Variants in POLG2 observed in about 807,000 individuals in gnomAD.
POLG2 encodes DNA polymerase gamma 2, accessory subunit.
In POLG2, 50 loss-of-function variants were observed where a neutral mutation model predicts 56.5. That is an observed-to-expected ratio of 0.88 (90% CI 0.71 to 1.12). The LOEUF is 1.12. Among genes scored for constraint, POLG2 ranks in the 50% most tolerant of loss-of-function variants. The pLI is 0.00. For synonymous variants in POLG2, 226 were observed against 222.6 expected (o/e 1.02, Z -0.14); for missense variants, 584 against 583.3 (o/e 1.00, Z -0.01).
At chr17:64,492,327 T>C (rs1234846452) in intron 3 of POLG2, among the ~76,000 whole-genome samples, 4 of 152,192 alleles carry the variant, frequency 2.6e-5, no homozygotes, top group Non-Finnish European at 5.9e-5. Flanking sequence ...CCATTTTGAC[T>C]AATATGGAAA....
intron 1 of POLG2, among the ~76,000 whole-genome samples, chr17:64,494,019 T>C (rs1290975797): frequency 6.6e-6 from 1 of 152,246 alleles, no homozygotes; most frequent in Non-Finnish European, 1.5e-5. Context: ...CATATGGTGA[T>C]ATTTTAGTTG....
intron 3 of POLG2, among the ~76,000 whole-genome samples, chr17:64,492,363 T>C (rs2038075961): frequency 6.6e-6 from 1 of 152,194 alleles, no homozygotes; most frequent in South Asian, 2.1e-4. Flanking sequence ...TAGCAAAAGC[T>C]GAAGCTGTGA....
chr17:64,483,548 C>T (rs1477562963), intron 5 of POLG2, among the ~76,000 whole-genome samples: 1 of 151,500 alleles, frequency 6.6e-6, no homozygotes, highest in Non-Finnish European at 1.5e-5. Flanking sequence ...TTGAGACCCT[C>T]CCATTTTCTG....
chr17:64,479,631 T>C (rs1390609228), intron 7 of POLG2, among the ~76,000 whole-genome samples: 5 of 151,828 alleles, frequency 3.3e-5, no homozygotes, highest in Non-Finnish European at 7.4e-5. Context: ...ATTAATGAAA[T>C]AGCATGGGGT....
In POLG2 at chr17:64,477,842, GAT is replaced by G. The variant is rs2037790990; in HGVS notation, c.1437_1438del (p.Ser480IlefsTer3). On this transcript the variant is annotated frameshift_variant, in exon 8 of 8. Transcript: ENST00000539111. LOFTEE classifies it high-confidence loss of function. ...AAAAATCTATACATTCTTAGCTGAT[GAT>G]ATATACTTAATCAAAAAGTCTTTTA... 1 of 1,602,796 alleles carries G rather than the reference GAT, an allele frequency of 6.2e-7. No homozygotes were observed. Among genetic ancestry groups the G allele is most frequent in the African/African-American group, 1.3e-5 (1 of 74,352 alleles).
chr17:64,495,043 A>G (rs7214806), intron 1 of POLG2, among the ~76,000 whole-genome samples: 42,203 of 151,824 alleles, frequency 0.28, 11,346 homozygotes, highest in African/African-American at 0.7. Flanking sequence ...CGTGGTGGCA[A>G]GTGCCTGTAG....
At chr17:64,491,477 TC>T in intron 3 of POLG2, 1 of 1,238,452 alleles carries the variant, frequency 8.1e-7, no homozygotes, top group South Asian at 1.2e-5. Context: ...GCAACGGCAG[TC>T]CAGCCCGGGC....
chr17:64,491,969 A>T (rs984453421), intron 3 of POLG2, among the ~76,000 whole-genome samples: 2 of 152,062 alleles, frequency 1.3e-5, no homozygotes, highest in African/African-American at 2.4e-5. Context: ...GACAACAAAA[A>T]TAAAATAAAA....
chr17:64,486,156 T>C (rs545701231), intron 4 of POLG2, among the ~76,000 whole-genome samples: 2 of 152,192 alleles, frequency 1.3e-5, no homozygotes, highest in Non-Finnish European at 2.9e-5. Context: ...ACGATAAAGA[T>C]GCATTCTCTG....
rs1325248458 is a variant in POLG2 at position 64,493,610 on chromosome 17, G to A, written c.563-589C>T. Among the ~76,000 whole-genome samples, 6 of 151,648 alleles carry A rather than the reference G, an allele frequency of 4.0e-5. No homozygotes were observed. In the South Asian group the frequency reaches 6.2e-4, roughly 16 times the overall value. On this transcript the variant is annotated intron_variant, in intron 1 of 7. Coordinates refer to ENST00000539111, the MANE Select transcript of POLG2 (RefSeq NM_007215.4). ...TGCCATTCTCCTGCCTCAGCCTCCCGAGTAGCTGGGACTACAGGCGCCCGC... is the reference window on the plus strand; with the variant it reads ...TGCCATTCTCCTGCCTCAGCCTCCCAAGTAGCTGGGACTACAGGCGCCCGC...
chr17:64,484,683 A>G (rs2037922197), intron 5 of POLG2, among the ~76,000 whole-genome samples: 1 of 152,118 alleles, frequency 6.6e-6, no homozygotes, highest in African/African-American at 2.4e-5. Context: ...GTGGAGTGTA[A>G]GAAAAAGAAA....
rs1462259525 is a variant in POLG2, at chr17:64,496,621, G to C, written c.348C>G (p.Thr116=). 1 of 1,613,792 alleles carries C rather than the reference G, an allele frequency of 6.2e-7. No individual in the cohort carries two copies. The highest frequency in any genetic ancestry group is 1.3e-5 in the African/African-American group (1 of 74,834). ...CCTGCTCCCTGAACACCACCACCGAGGTCCACCATTCTGCGGCCAGGTTCT... is the reference window on the plus strand; with the variant it reads ...CCTGCTCCCTGAACACCACCACCGACGTCCACCATTCTGCGGCCAGGTTCT... ...LRKNLAAEWW[T]SVVVFREQVF... Residue 116 remains threonine, a synonymous_variant, in exon 1 of 8, where the codon ACC becomes ACG. Transcript: ENST00000539111.
Position 64,496,889 on chromosome 17 carries a change from G to A in POLG2, c.80C>T (p.Ala27Val), listed in dbSNP as rs117792639. 3.1e-6 allele frequency: 5 copies of A among 1,613,132 alleles called. No individual in the cohort carries two copies. The highest frequency in any genetic ancestry group is 4.5e-5 in the East Asian group (2 of 44,878). Reference sequence around the variant, plus strand: ...TTCCGTCAACAGCTCCGGCTGCCCCGCATCTACTCGACCCCCAAACCCAGA... The same window carrying A: ...TTCCGTCAACAGCTCCGGCTGCCCCACATCTACTCGACCCCCAAACCCAGA... Reference protein sequence around the residue: ...LLSGFGGRVDAGQPELLTERS... With the variant: ...LLSGFGGRVDVGQPELLTERS... The change falls in exon 1 of 8, where the codon GCG becomes GTG. Residue 27 changes from alanine to valine, a missense_variant. Physicochemically the swap from Ala to Val is moderately conservative, Grantham distance 64. Coordinates refer to ENST00000539111, the MANE Select transcript of POLG2 (RefSeq NM_007215.4).
chr17:64,490,571 T>C, intron 4 of POLG2: 1 of 539,574 alleles, frequency 1.9e-6, no homozygotes, highest in Non-Finnish European at 3.3e-6. Flanking sequence ...AATGCCATTA[T>C]TGAGATAATC....
chr17:64,482,096 CTTTTTTT>C (rs1185623297), intron 6 of POLG2, among the ~76,000 whole-genome samples: 5 of 116,042 alleles, frequency 4.3e-5, no homozygotes, highest in East Asian at 4.6e-4. Flanking sequence ...TTAATTAAAG[CTTTTTTT>C]TTTTTTTTTT....
intron 3 of POLG2, chr17:64,491,707 T>C: frequency 1.0e-6 from 1 of 1,002,404 alleles, no homozygotes; most frequent in Non-Finnish European, 1.5e-6. Flanking sequence ...GGGTTTACCA[T>C]GGTGCTGGCA....
intron 6 of POLG2, among the ~76,000 whole-genome samples, chr17:64,482,096 CTTTTTTTT>C (rs1185623297): frequency 8.6e-6 from 1 of 116,048 alleles, no homozygotes; most frequent in Non-Finnish European, 1.8e-5. Context: ...TTAATTAAAG[CTTTTTTTT>C]TTTTTTTTTT....
chr17:64,481,310 T>C lies in POLG2; in HGVS notation c.1192-921A>G, dbSNP rs949982046. On this transcript the variant is annotated intron_variant, in intron 6 of 7. Transcript: ENST00000539111. The stretch of plus-strand genomic sequence containing the variant: ...TTCTTTGAGCTCACTATCTCCCATC[T>C]TCCCAGACCTCTCCACAAAAGCCAG... 139 of 985,252 alleles carry C rather than the reference T, an allele frequency of 1.4e-4. 1 individual carries two copies. Among genetic ancestry groups the C allele is most frequent in the Admixed American group, 3.1e-4 (5 of 16,266 alleles). 61.0% of individuals were successfully genotyped at this position (985,252 alleles called of 1,614,324 possible).
intron 3 of POLG2, 65 bp from the exon 4 acceptor site, chr17:64,491,034 T>G: frequency 8.4e-7 from 1 of 1,187,054 alleles, no homozygotes; most frequent in South Asian, 1.2e-5. Flanking sequence ...CTCCCATAAT[T>G]ATCTGTAAGA....
Sources: gnomAD v4.1 joint callset for allele counts (sites outside exome capture counted in the v4.1 genomes callset) on GRCh38, gnomAD v4.1.1 for gene constraint, MANE v1.5 for transcripts, NCBI Gene and HGNC (gene_info 2026-07-23, HGNC 2026-07-21) for gene names.